The following PTPRD variants were observed in gnomAD, a reference collection of about 807,000 sequenced individuals.
PTPRD encodes receptor-type tyrosine-protein phosphatase delta.
In PTPRD, 34 loss-of-function variants were observed where a neutral mutation model predicts 214.5. The ratio of observed to expected loss-of-function variants is 0.16; its 90% CI spans 0.12 to 0.21. PTPRD has a LOEUF of 0.21. Among genes scored for constraint, PTPRD ranks in the 10% least tolerant of loss-of-function variants. The pLI, the probability that PTPRD is intolerant of heterozygous loss-of-function variation, is 1.00. For synonymous variants in PTPRD, 1,128 were observed against 845.7 expected (o/e 1.33, Z -5.79); for missense variants, 2,545 against 2,398.7 (o/e 1.06, Z -1.27).
At chr9:10,091,813 T>G (rs2098435053) in intron 3 of PTPRD, among the ~76,000 whole-genome samples, 2 of 151,404 alleles carry the variant, frequency 1.3e-5, no homozygotes, top group African/African-American at 4.8e-5. Flanking sequence ...GCATCCAGTT[T>G]ATTAAAAAAT....
At chr9:9,600,964 C>T (rs1226850940) in intron 7 of PTPRD, among the ~76,000 whole-genome samples, 5 of 151,878 alleles carry the variant, frequency 3.3e-5, no homozygotes, top group African/African-American at 7.3e-5. Flanking sequence ...AACCACCTGG[C>T]CATTGGTAAT....
intron 10 of PTPRD, among the ~76,000 whole-genome samples, chr9:9,073,751 T>A (rs975037497): frequency 2.0e-5 from 3 of 152,204 alleles, no homozygotes; most frequent in Non-Finnish European, 4.4e-5. Flanking sequence ...TCTCTGTATA[T>A]ATGTATATCC....
At chr9:8,720,688 T>G (rs1229017473) in intron 12 of PTPRD, among the ~76,000 whole-genome samples, 2 of 130,892 alleles carry the variant, frequency 1.5e-5, no homozygotes, top group Admixed American at 1.4e-4. Flanking sequence ...AATTGATGTG[T>G]TTTTTTTTAA....
At position 9,019,347 on chromosome 9, in the gene PTPRD, A is replaced by G. The variant is rs558807447; in HGVS notation, c.-142-612T>C. Reference sequence around the variant, plus strand: ...AAGAAAGAAAGAAAGAACGAAAGAAAGAAAGAAAGAAAGAATCTGAATTTT... The same window carrying G: ...AAGAAAGAAAGAAAGAACGAAAGAAGGAAAGAAAGAAAGAATCTGAATTTT... On this transcript the variant is annotated intron_variant, in intron 10 of 45. Coordinates refer to ENST00000381196, the MANE Select transcript of PTPRD (RefSeq NM_002839.4). Among the ~76,000 whole-genome samples, 4 of 112,090 alleles carry G rather than the reference A, an allele frequency of 3.6e-5. No homozygotes were observed. In the South Asian group the frequency reaches 1.3e-3, roughly 36 times the overall value. 73.5% of individuals were successfully genotyped at this position (112,090 alleles called of 152,430 possible).
intron 3 of PTPRD, among the ~76,000 whole-genome samples, chr9:10,310,585 G>T (rs1339153267): frequency 6.6e-6 from 1 of 152,008 alleles, no homozygotes; most frequent in Non-Finnish European, 1.5e-5. Context: ...AAAAAAAAAT[G>T]TAATTTTAAA....
chr9:10,083,593 A>T (rs1177795668), intron 3 of PTPRD, among the ~76,000 whole-genome samples: 1 of 152,044 alleles, frequency 6.6e-6, no homozygotes, highest in African/African-American at 2.4e-5. Flanking sequence ...CAGGTTATTT[A>T]ACAGTGGAAG....
chr9:10,534,589 T>C (rs186363549), intron 2 of PTPRD, among the ~76,000 whole-genome samples: 1 of 152,216 alleles, frequency 6.6e-6, no homozygotes, highest in Admixed American at 6.6e-5. Context: ...AATTTCACAA[T>C]GGAAACATAA....
At chr9:9,566,328 A>G (rs1239431284) in intron 8 of PTPRD, among the ~76,000 whole-genome samples, 2 of 152,052 alleles carry the variant, frequency 1.3e-5, no homozygotes, top group Admixed American at 6.6e-5. Context: ...ATACACAACT[A>G]TAAGAATTTT....
At chr9:10,541,351 G>C (rs1157136109) in intron 2 of PTPRD, among the ~76,000 whole-genome samples, 1 of 151,986 alleles carries the variant, frequency 6.6e-6, no homozygotes, top group Non-Finnish European at 1.5e-5. Flanking sequence ...TATTTTTTAA[G>C]TGTTATAAAT....
chr9:10,481,048 T>TA (rs56017630), intron 2 of PTPRD, among the ~76,000 whole-genome samples: 2 of 146,146 alleles, frequency 1.4e-5, no homozygotes, highest in Admixed American at 7.0e-5. Flanking sequence ...TTTTTTTTTT[T>TA]AAACAGTTCT....
At chr9:10,028,859 A>C (rs567798585) in intron 4 of PTPRD, among the ~76,000 whole-genome samples, 172 of 152,316 alleles carry the variant, frequency 1.1e-3, no homozygotes, top group African/African-American at 3.9e-3. Flanking sequence ...GAGGATTCAA[A>C]TTCTAATCAC....
chr9:8,381,429 G>A (rs1367040352), intron 37 of PTPRD, among the ~76,000 whole-genome samples: 1 of 152,174 alleles, frequency 6.6e-6, no homozygotes, highest in African/African-American at 2.4e-5. Flanking sequence ...TAAGGACAGA[G>A]AGCATCTCAG....
intron 5 of PTPRD, among the ~76,000 whole-genome samples, chr9:9,810,346 G>C (rs539662849): frequency 2.6e-5 from 4 of 151,936 alleles, no homozygotes; most frequent in Admixed American, 2.0e-4. Context: ...GCACTCTGAT[G>C]GCAAAAAAGG....
chr9:9,722,949 G>C (rs6477412), intron 7 of PTPRD, among the ~76,000 whole-genome samples: 3 of 151,812 alleles, frequency 2.0e-5, no homozygotes, highest in Non-Finnish European at 4.4e-5. Context: ...TGTCTTATTG[G>C]ATATATGATT....
chr9:8,340,981 A>G, intron 41 of PTPRD, 109 bp downstream of exon 41: 2 of 1,126,524 alleles, frequency 1.8e-6, no homozygotes, highest in Non-Finnish European at 2.5e-6. Context: ...ATGATGACCT[A>G]TGCAGAAAGA....
chr9:8,550,929 G>C (rs2081913919), intron 14 of PTPRD, among the ~76,000 whole-genome samples: 1 of 152,210 alleles, frequency 6.6e-6, no homozygotes, highest in African/African-American at 2.4e-5. Flanking sequence ...TCGACAGTGA[G>C]CTTATGCTAT....
At chr9:10,073,921 T>C (rs2098083913) in intron 3 of PTPRD, among the ~76,000 whole-genome samples, 1 of 152,158 alleles carries the variant, frequency 6.6e-6, no homozygotes, top group Non-Finnish European at 1.5e-5. Flanking sequence ...TTGTATGGAC[T>C]GACATAACTT....
chr9:8,911,440 T>TGTGTGTGTGTGA (rs1171435442), intron 11 of PTPRD, among the ~76,000 whole-genome samples: 1 of 149,014 alleles, frequency 6.7e-6, no homozygotes, highest in South Asian at 2.1e-4. Flanking sequence ...TGTGTGTGTG[T>TGTGTGTGTGTGA]GAGAGAGAGA....
chr9:8,962,538 AAGAGAG>A (rs34968070), intron 11 of PTPRD, among the ~76,000 whole-genome samples: 2 of 149,806 alleles, frequency 1.3e-5, no homozygotes, highest in Non-Finnish European at 3.0e-5. Context: ...AGAAGAGAGA[AAGAGAG>A]AGAGAGAGAG....
Sources: gnomAD v4.1 joint callset for allele counts (sites outside exome capture counted in the v4.1 genomes callset) on GRCh38, gnomAD v4.1.1 for gene constraint, MANE v1.5 for transcripts, NCBI Gene and HGNC (gene_info 2026-07-23, HGNC 2026-07-21) for gene names.